Variants in IGBP1C observed in about 807,000 individuals in gnomAD.
The protein encoded by IGBP1C is immunoglobulin-binding protein 1 family member C.
At chr17:58,687,287 C>T in the IGBP1C span, among the ~76,000 whole-genome samples, 9 of 152,134 alleles carry the variant, frequency 5.9e-5, no homozygotes, top group Non-Finnish European at 5.9e-5. Flanking sequence ...TTCTCACTAT[C>T]TCTTTTACCT....
At chr17:58,672,583 G>A in the IGBP1C span, among the ~76,000 whole-genome samples, 3 of 152,082 alleles carry the variant, frequency 2.0e-5, no homozygotes, top group Non-Finnish European at 2.9e-5. Flanking sequence ...ATAGGCACGC[G>A]CCACCAGGCC....
At chr17:58,676,388 A>G in the IGBP1C span, among the ~76,000 whole-genome samples, 2 of 148,530 alleles carry the variant, frequency 1.3e-5, 1 homozygote, top group Non-Finnish European at 3.0e-5. Context: ...AAAAAAACCA[A>G]AAAAACAAAA....
At chr17:58,673,534 C>T in the IGBP1C span, among the ~76,000 whole-genome samples, 2 of 144,830 alleles carry the variant, frequency 1.4e-5, no homozygotes, top group Admixed American at 1.4e-4. Flanking sequence ...TGTATTGTAA[C>T]TTATTTTTCT....
At chr17:58,663,108 CA>C in the IGBP1C span, among the ~76,000 whole-genome samples, 1,402 of 76,826 alleles carry the variant, frequency 0.018, 15 homozygotes, top group African/African-American at 0.056. Flanking sequence ...GACTCCGTCT[CA>C]AAAAAAAAAA....
the IGBP1C span, chr17:58,661,142 A>G: frequency 1.2e-6 from 1 of 837,258 alleles, no homozygotes; most frequent in South Asian, 1.3e-5. Flanking sequence ...TTGAGATGCC[A>G]TAGCAACGAG....
the IGBP1C span, chr17:58,661,865 G>A: frequency 2.7e-6 from 1 of 372,202 alleles, no homozygotes; most frequent in Non-Finnish European, 4.8e-6. Flanking sequence ...CTGCCTTCCT[G>A]GCTCACAAGA....
the IGBP1C span, among the ~76,000 whole-genome samples, chr17:58,669,405 T>G: frequency 6.6e-6 from 1 of 151,374 alleles, no homozygotes; most frequent in African/African-American, 2.4e-5. Context: ...TTTGTCATAT[T>G]TGCTGAAAGT....
the IGBP1C span, among the ~76,000 whole-genome samples, chr17:58,680,919 T>A: frequency 6.6e-6 from 1 of 152,106 alleles, no homozygotes; most frequent in Admixed American, 6.6e-5. Flanking sequence ...GTTTATAACT[T>A]TTTTTTCCTT....
At chr17:58,681,387 C>T in the IGBP1C span, among the ~76,000 whole-genome samples, 1 of 152,066 alleles carries the variant, frequency 6.6e-6, no homozygotes, top group East Asian at 1.9e-4. Context: ...TGTGATGCAA[C>T]CAGACACTTG....
the IGBP1C span, chr17:58,660,916 C>A: frequency 2.3e-6 from 2 of 875,108 alleles, no homozygotes; most frequent in Non-Finnish European, 4.0e-6. Flanking sequence ...AAGTGGATGC[C>A]TCTCTTGAAG....
At chr17:58,671,798 C>A in the IGBP1C span, among the ~76,000 whole-genome samples, 1 of 152,180 alleles carries the variant, frequency 6.6e-6, no homozygotes, top group Admixed American at 6.6e-5. Context: ...CAAAAGCCTT[C>A]CCTGGACCTC....
the IGBP1C span, among the ~76,000 whole-genome samples, chr17:58,669,555 G>A: frequency 6.6e-6 from 1 of 151,536 alleles, no homozygotes; most frequent in Non-Finnish European, 1.5e-5. Flanking sequence ...CCAAAATGGT[G>A]AAACCCCATG....
the IGBP1C span, among the ~76,000 whole-genome samples, chr17:58,677,170 A>G: frequency 2.0e-5 from 3 of 151,776 alleles, no homozygotes; most frequent in Admixed American, 2.0e-4. Context: ...ACATGCCTGT[A>G]CAGCTACTTG....
At chr17:58,677,172 A>G in the IGBP1C span, among the ~76,000 whole-genome samples, 290 of 151,926 alleles carry the variant, frequency 1.9e-3, no homozygotes, top group Non-Finnish European at 3.6e-3. Flanking sequence ...ATGCCTGTAC[A>G]GCTACTTGGA....
At chr17:58,680,269 C>T in the IGBP1C span, among the ~76,000 whole-genome samples, 1 of 152,092 alleles carries the variant, frequency 6.6e-6, no homozygotes, top group African/African-American at 2.4e-5. Context: ...AGTTTGAAAA[C>T]ATGAAATTTG....
the IGBP1C span, among the ~76,000 whole-genome samples, chr17:58,670,193 A>T: frequency 1.3e-5 from 2 of 152,112 alleles, no homozygotes; most frequent in African/African-American, 4.8e-5. Context: ...CAGTCCATTC[A>T]TTATTCCACT....
chr17:58,683,375 C>A, the IGBP1C span, among the ~76,000 whole-genome samples: 4 of 148,576 alleles, frequency 2.7e-5, no homozygotes, highest in East Asian at 4.0e-4. Flanking sequence ...TCCATCCCCC[C>A]CCCCAAAAAA....
At chr17:58,690,197 C>T in the IGBP1C span, among the ~76,000 whole-genome samples, 3 of 151,776 alleles carry the variant, frequency 2.0e-5, no homozygotes, top group Non-Finnish European at 2.9e-5. Context: ...GATGGAGTCT[C>T]GCTCTGTCGC....
the IGBP1C span, among the ~76,000 whole-genome samples, chr17:58,679,015 G>A: frequency 6.6e-6 from 1 of 151,794 alleles, no homozygotes; most frequent in Non-Finnish European, 1.5e-5. Flanking sequence ...TTAGCAAGGC[G>A]TGGTGGCGTG....
Sources: gnomAD v4.1 joint callset for allele counts (sites outside exome capture counted in the v4.1 genomes callset) on GRCh38, gnomAD v4.1.1 for gene constraint, MANE v1.5 for transcripts, NCBI Gene and HGNC (gene_info 2026-07-23, HGNC 2026-07-21) for gene names.